The following PLEKHA7 variants were observed in gnomAD, a reference collection of about 807,000 sequenced individuals.
PLEKHA7 encodes pleckstrin homology domain containing A7, also known as pleckstrin homology domain-containing family A member 7.
PLEKHA7 carries 104 observed loss-of-function variants against 170.0 expected under a neutral mutation model. The observed-to-expected ratio is 0.61, with a 90% confidence interval of 0.52 to 0.72. PLEKHA7 has a LOEUF of 0.72. Ranked by LOEUF, PLEKHA7 falls within the 30% of genes least tolerant of loss-of-function variation. PLEKHA7 has a pLI of 0.00. For missense variants in PLEKHA7, 1,615 were observed against 1,671.7 expected (o/e 0.97, Z 0.59); for synonymous variants, 648 against 660.8 (o/e 0.98, Z 0.30).
intron 3 of PLEKHA7, among the ~76,000 whole-genome samples, chr11:16,877,624 C>T: frequency 6.6e-6 from 1 of 152,198 alleles, no homozygotes; most frequent in East Asian, 1.9e-4. Context: ...CAGCTCACTG[C>T]ACATAGGCAT....
chr11:16,805,422 C>CT (rs527888075), intron 13 of PLEKHA7, among the ~76,000 whole-genome samples: 8 of 151,958 alleles, frequency 5.3e-5, no homozygotes, highest in African/African-American at 7.3e-5. Context: ...TACATTCAAC[C>CT]TTTTTTTTCT....
chr11:16,935,416 C>A (rs376250906), intron 3 of PLEKHA7, among the ~76,000 whole-genome samples: 1 of 152,086 alleles, frequency 6.6e-6, no homozygotes, highest in Non-Finnish European at 1.5e-5. Flanking sequence ...AGTGAGACTC[C>A]GTCTCAAAAA....
At chr11:16,850,899 G>A (rs1006885899) in intron 8 of PLEKHA7, among the ~76,000 whole-genome samples, 4 of 152,136 alleles carry the variant, frequency 2.6e-5, no homozygotes, top group African/African-American at 7.2e-5. Flanking sequence ...GGCTGAGTAC[G>A]GTGATAAGAC....
chr11:16,833,128 C>G (rs1851247492), intron 9 of PLEKHA7, among the ~76,000 whole-genome samples: 1 of 152,144 alleles, frequency 6.6e-6, no homozygotes, highest in South Asian at 2.1e-4. Context: ...GGGCAGCTCC[C>G]TTGGGATGGA....
chr11:16,786,736 C>A (rs1849422969), intron 23 of PLEKHA7: 4 of 985,278 alleles, frequency 4.1e-6, no homozygotes, highest in Non-Finnish European at 4.8e-6. Context: ...TTTGTCCCTT[C>A]CACTCTCTAC....
Position 16,906,224 on chromosome 11 carries a change from T to TAGGTAGGAAGGA in PLEKHA7, c.222-35043_222-35042insTCCTTCCTACCT, listed in dbSNP as rs1554968120. ...AAGAGGTGATCAAGTTAAAATGAGG[T>TAGGTAGGAAGGA]AGGAAGGAAGGAAGGAAGGAAGGAA... On this transcript the variant is annotated intron_variant, in intron 3 of 26. Coordinates refer to ENST00000531066, the MANE Select transcript of PLEKHA7 (RefSeq NM_001329630.2). Among the ~76,000 whole-genome samples, 6 of 116,220 alleles carry TAGGTAGGAAGGA rather than the reference T, an allele frequency of 5.2e-5. No homozygotes were observed. In the Admixed American group the frequency reaches 5.3e-4, roughly 10 times the overall value. 76.2% of individuals were successfully genotyped at this position (116,220 alleles called of 152,430 possible).
At chr11:16,868,704 AG>A (rs1854590523) in intron 4 of PLEKHA7, among the ~76,000 whole-genome samples, 1 of 152,260 alleles carries the variant, frequency 6.6e-6, no homozygotes, top group Non-Finnish European at 1.5e-5. Flanking sequence ...TGAGACAAGC[AG>A]GTACCTCCAT....
chr11:17,002,526 G>A (rs1220636136), intron 3 of PLEKHA7, among the ~76,000 whole-genome samples: 5 of 152,086 alleles, frequency 3.3e-5, no homozygotes, highest in Admixed American at 6.6e-5. Context: ...TAAACCCCTC[G>A]GTGATGCTGG....
intron 3 of PLEKHA7, among the ~76,000 whole-genome samples, chr11:16,897,561 G>A (rs1305215427): frequency 6.6e-6 from 1 of 152,152 alleles, no homozygotes; most frequent in Non-Finnish European, 1.5e-5. Flanking sequence ...CATGCATTAA[G>A]TACACAAGGC....
chr11:16,982,833 G>GGA (rs113873924), intron 3 of PLEKHA7, among the ~76,000 whole-genome samples: 58,411 of 148,756 alleles, frequency 0.39, 11,861 homozygotes, highest in East Asian at 0.55. Flanking sequence ...AGAGAGAGAG[G>GGA]GAGAGAGAGA....
chr11:16,822,196 T>C (rs941707193), intron 10 of PLEKHA7, among the ~76,000 whole-genome samples: 3 of 152,186 alleles, frequency 2.0e-5, no homozygotes, highest in Non-Finnish European at 2.9e-5. Context: ...TGACAACTTA[T>C]CACTGCATAT....
At chr11:16,799,424 AGGGGGAAGAG>A (rs1848443640) in intron 17 of PLEKHA7, among the ~76,000 whole-genome samples, 1 of 152,186 alleles carries the variant, frequency 6.6e-6, no homozygotes. Flanking sequence ...AGAAAGGGAG[AGGGGGAAGAG>A]GAACTTTTAT....
At chr11:16,979,773 T>C (rs1408012450) in intron 3 of PLEKHA7, among the ~76,000 whole-genome samples, 1 of 152,140 alleles carries the variant, frequency 6.6e-6, no homozygotes, top group Non-Finnish European at 1.5e-5. Flanking sequence ...CTGGCTAATC[T>C]TGAGTCGCAG....
At chr11:16,836,345 GC>G (rs1851510227) in intron 9 of PLEKHA7, among the ~76,000 whole-genome samples, 1 of 152,216 alleles carries the variant, frequency 6.6e-6, no homozygotes, top group Non-Finnish European at 1.5e-5. Context: ...TCTATCTTGA[GC>G]TTTTCAGTGA....
chr11:16,898,952 C>CT (rs924671616), intron 3 of PLEKHA7, among the ~76,000 whole-genome samples: 2 of 152,116 alleles, frequency 1.3e-5, no homozygotes, highest in Admixed American at 1.3e-4. Flanking sequence ...TTTTAAAGGC[C>CT]TAAATGAGAG....
chr11:16,902,296 T>G (rs1857391468), intron 3 of PLEKHA7, among the ~76,000 whole-genome samples: 1 of 152,262 alleles, frequency 6.6e-6, no homozygotes, highest in Non-Finnish European at 1.5e-5. Context: ...ATCATGTAGC[T>G]ATGAATTGCG....
Position 16,979,219 on chromosome 11 carries a change from G to A in PLEKHA7, c.221+34770C>T, listed in dbSNP as rs373363584. On this transcript the variant is annotated intron_variant, in intron 3 of 26. Transcript: ENST00000531066. ...TAATTTTTGTATTTTTAGTAGAGAC[G>A]GGATTTCACCATGTTGGCCAGGCTG... Among the ~76,000 whole-genome samples, 38 of 152,232 alleles carry A rather than the reference G, an allele frequency of 2.5e-4. 1 individual carries two copies. In the South Asian group the frequency reaches 4.4e-3, roughly 17 times the overall value.
At chr11:16,928,148 A>G (rs989789950) in intron 3 of PLEKHA7, among the ~76,000 whole-genome samples, 20 of 152,026 alleles carry the variant, frequency 1.3e-4, no homozygotes, top group Non-Finnish European at 2.9e-5. Context: ...GTATAGAAGA[A>G]CCTTAACATT....
At chr11:16,799,058 A>G (rs956775782) in intron 17 of PLEKHA7, among the ~76,000 whole-genome samples, 1 of 152,240 alleles carries the variant, frequency 6.6e-6, no homozygotes, top group Non-Finnish European at 1.5e-5. Flanking sequence ...TGTCCAAGAC[A>G]GTAGCCGATA....
Sources: allele counts gnomAD v4.1 joint callset (sites outside exome capture counted in the v4.1 genomes callset), GRCh38; gene constraint gnomAD v4.1.1; transcripts MANE v1.5; gene names NCBI Gene and HGNC (gene_info 2026-07-23, HGNC 2026-07-21).